The following MTOR variants were observed in gnomAD, a reference collection of about 807,000 sequenced individuals.
The protein encoded by MTOR is serine/threonine-protein kinase mTOR.
In MTOR, 70 loss-of-function variants were observed where a neutral mutation model predicts 319.8. The observed-to-expected ratio is 0.22, with a 90% CI of 0.18 to 0.27. The LOEUF (loss-of-function observed/expected upper bound fraction) is 0.27. MTOR is among the 10% of genes least tolerant of loss of function. MTOR has a pLI of 1.00. For synonymous variants in MTOR, 1,183 were observed against 1,211.4 expected (o/e 0.98, Z 0.49); for missense variants, 1,890 against 3,274.4 (o/e 0.58, Z 10.32).
At chr1:11,181,687 C>T (rs531674909) in intron 28 of MTOR, among the ~76,000 whole-genome samples, 1 of 152,292 alleles carries the variant, frequency 6.6e-6, no homozygotes, top group South Asian at 2.1e-4. Context: ...GACCTCACCA[C>T]AGTAAAACAC....
At chr1:11,202,552 C>T (rs986340240) in intron 26 of MTOR, among the ~76,000 whole-genome samples, 5 of 151,456 alleles carry the variant, frequency 3.3e-5, no homozygotes, top group South Asian at 4.2e-4. Flanking sequence ...AAAGCCCAGA[C>T]TTCACCACTA....
In MTOR at chr1:11,160,513, G is replaced by T. The variant is rs535928691; in HGVS notation, c.4330-3222C>A. 4.1e-4 allele frequency among the ~76,000 whole-genome samples: 62 copies of T among 152,174 alleles called. 1 individual carries two copies. Among genetic ancestry groups the T allele is most frequent in the Non-Finnish European group, 1.3e-4 (9 of 68,038 alleles). ...CCCACAAAGATAACTCAGATCAGGG[G>T]CAAATGCCTTGGCTCTAATGTCAGA... On this transcript the variant is annotated intron_variant, in intron 29 of 57. Coordinates refer to ENST00000361445, the MANE Select transcript of MTOR (RefSeq NM_004958.4).
chr1:11,185,965 C>T (rs1645305839), intron 28 of MTOR, among the ~76,000 whole-genome samples: 1 of 151,540 alleles, frequency 6.6e-6, no homozygotes, highest in Non-Finnish European at 1.5e-5. Context: ...GCCTGTAGTC[C>T]CAGCTACTTG....
At chr1:11,226,875 A>T (rs1397140335) in intron 19 of MTOR, among the ~76,000 whole-genome samples, 1 of 152,174 alleles carries the variant, frequency 6.6e-6, no homozygotes, top group East Asian at 1.9e-4. Flanking sequence ...TTACAAGATT[A>T]AAACTAAAAA....
At chr1:11,235,465 C>A (rs920180225) in intron 13 of MTOR, among the ~76,000 whole-genome samples, 26 of 152,040 alleles carry the variant, frequency 1.7e-4, no homozygotes, top group African/African-American at 6.0e-4. Flanking sequence ...ACCTTGGTGA[C>A]AGAGTGAGAT....
At chr1:11,114,522 C>T (rs1337588242) in intron 52 of MTOR, 69 bp from the exon 53 acceptor site, 7 of 1,597,354 alleles carry the variant, frequency 4.4e-6, no homozygotes, top group Non-Finnish European at 6.0e-6. Context: ...CCGAGGGGGT[C>T]TGTTACCCTC....
Position 11,199,324 on chromosome 1 carries a change from G to A in MTOR, c.4187C>T (p.Ala1396Val), listed in dbSNP as rs1471384917. Residue 1396 changes from alanine (A) to valine (V), a missense_variant, in exon 28 of 58, where the codon GCA becomes GTA. Ala to Val is a moderately conservative substitution (Grantham distance 64). Transcript: ENST00000361445. The surrounding 1 kb of genome is among the most constrained non-coding windows in gnomAD (Gnocchi z 4.5). The part of the protein sequence containing the change: ...RAAKCRAYAK[A>V]LHYKELEFQK... Reference sequence around the variant, plus strand: ...GAACTCCAGTTCTTTGTAGTGTAGTGCTTTGGCATATGCTCGGCACTTGGC... The same window carrying A: ...GAACTCCAGTTCTTTGTAGTGTAGTACTTTGGCATATGCTCGGCACTTGGC... The A allele has an allele frequency of 6.2e-7, 1 of 1,614,192 alleles. No individual in the cohort carries two copies. The highest frequency in any genetic ancestry group is 1.1e-5 in the South Asian group (1 of 91,078).
At chr1:11,144,486 G>C (rs1030130833) in intron 34 of MTOR, 162 bp downstream of exon 34, 5 of 563,400 alleles carry the variant, frequency 8.9e-6, no homozygotes, top group Non-Finnish European at 1.6e-5. Flanking sequence ...GTTTAGGTGA[G>C]GAGCCTTTGA....
chr1:11,134,660 T>C (rs767703811), intron 36 of MTOR, among the ~76,000 whole-genome samples, 194 bp from the exon 37 acceptor site: 2 of 152,222 alleles, frequency 1.3e-5, no homozygotes, highest in Non-Finnish European at 2.9e-5. Flanking sequence ...AAAAGATTCA[T>C]GACTTATTCA....
At chr1:11,145,464 C>A (rs1188653045) in intron 32 of MTOR, among the ~76,000 whole-genome samples, 1 of 152,110 alleles carries the variant, frequency 6.6e-6, no homozygotes, top group Non-Finnish European at 1.5e-5. Context: ...GCAGTCTCCA[C>A]CTCCCGGGTT....
At chr1:11,228,373 G>C (rs573416500) in intron 19 of MTOR, among the ~76,000 whole-genome samples, 1 of 152,096 alleles carries the variant, frequency 6.6e-6, no homozygotes, top group African/African-American at 2.4e-5. Flanking sequence ...ATTTTTAGTA[G>C]AGACGGGGTT....
intron 1 of MTOR, among the ~76,000 whole-genome samples, chr1:11,261,975 A>T (rs1011695280): frequency 4.6e-5 from 7 of 152,126 alleles, no homozygotes; most frequent in African/African-American, 9.7e-5. Context: ...GGATGGGGGA[A>T]ACAGGGATGG....
chr1:11,110,901 C>G (rs1253388828), intron 54 of MTOR, among the ~76,000 whole-genome samples: 7 of 152,098 alleles, frequency 4.6e-5, no homozygotes, highest in African/African-American at 1.4e-4. Flanking sequence ...ACTGGCTGTC[C>G]TAGTTCCCTT....
At chr1:11,259,467 G>A (rs1375120175) in intron 1 of MTOR, 44 bp from the exon 2 acceptor site, 1 of 1,496,390 alleles carries the variant, frequency 6.7e-7, no homozygotes, top group South Asian at 1.4e-5. Context: ...AAGAAAGTAT[G>A]ATGATAAATT....
intron 29 of MTOR, among the ~76,000 whole-genome samples, chr1:11,158,425 C>G (rs1056773204): frequency 1.3e-5 from 2 of 152,108 alleles, no homozygotes; most frequent in African/African-American, 4.8e-5. Flanking sequence ...GGAGATTGTT[C>G]CCTTGTACCT....
At chr1:11,192,247 C>T (rs1645567186) in intron 28 of MTOR, 1 of 1,567,888 alleles carries the variant, frequency 6.4e-7, no homozygotes, top group South Asian at 1.1e-5. Flanking sequence ...TAAATGCTCA[C>T]CCTGTGGTTT....
intron 28 of MTOR, among the ~76,000 whole-genome samples, chr1:11,171,936 G>A (rs1320617981): frequency 6.6e-6 from 1 of 151,704 alleles, no homozygotes; most frequent in African/African-American, 2.4e-5. Context: ...TGGGAAGGCT[G>A]AGGCAGGAGA....
Position 11,258,563 on chromosome 1 carries a change from C to T in MTOR, c.193G>A (p.Asp65Asn), listed in dbSNP as rs1266839864. 2.5e-6 allele frequency: 4 copies of T among 1,614,022 alleles called. No homozygotes were observed. Among genetic ancestry groups the T allele is most frequent in the Non-Finnish European group, 3.4e-6 (4 of 1,179,986 alleles). ...MSQEESTRFY[D>N]QLNHHIFELV... is the part of the protein sequence containing the mutation. ...TCAAAAATGTGATGGTTCAGTTGGT[C>T]ATAGAAGCGAGTAGACTCCTCTTGA... Residue 65 changes from aspartate to asparagine, a missense_variant, in exon 3 of 58, where the codon GAC becomes AAC. Physicochemically the swap from Asp to Asn is conservative, Grantham distance 23. This residue lies in a region of MTOR where 85 missense variants were observed against 105.8 expected (regional missense o/e 0.80). Coordinates refer to ENST00000361445, the MANE Select transcript of MTOR (RefSeq NM_004958.4).
At chr1:11,207,043 C>T (rs1046491033) in intron 25 of MTOR, among the ~76,000 whole-genome samples, 2 of 152,196 alleles carry the variant, frequency 1.3e-5, no homozygotes, top group African/African-American at 4.8e-5. Context: ...TAATTATCAT[C>T]ACATGATTAT....
Sources: allele counts gnomAD v4.1 joint callset (sites outside exome capture counted in the v4.1 genomes callset), GRCh38; gene constraint gnomAD v4.1.1; regional missense constraint gnomAD v4.1.1; non-coding constraint Gnocchi (gnomAD v3.1); transcripts MANE v1.5; gene names NCBI Gene and HGNC (gene_info 2026-07-23, HGNC 2026-07-21).